The following TMEM267 variants were observed in gnomAD, a reference collection of about 807,000 sequenced individuals.
TMEM267 encodes transmembrane protein 267.
Under a neutral mutation model 19.3 loss-of-function variants are expected in TMEM267, and 20 were observed. That is an observed-to-expected ratio of 1.04 (90% CI 0.73 to 1.51). The LOEUF is 1.51. TMEM267 is among the 40% of genes most tolerant of loss of function. TMEM267 has a pLI of 0.00. For missense variants in TMEM267, 242 were observed against 261.9 expected, an observed-to-expected ratio of 0.92 and a Z score of 0.52; for synonymous variants, 88 against 90.3, an observed-to-expected ratio of 0.97 and a Z score of 0.15.
At chr5:43,477,936 C>G (rs1744526245) in intron 1 of TMEM267, among the ~76,000 whole-genome samples, 1 of 152,134 alleles carries the variant, frequency 6.6e-6, no homozygotes, top group African/African-American at 2.4e-5. Context: ...ATTTTTTTGA[C>G]TCTACAGTGG....
chr5:43,452,585 T>TA (rs35189144), intron 2 of TMEM267, among the ~76,000 whole-genome samples: 65,678 of 123,700 alleles, frequency 0.53, 16,030 homozygotes, highest in Middle Eastern at 0.65. Context: ...CCTAAATCCA[T>TA]AAAAAAAAAA....
chr5:43,455,256 T>A (rs1456729820), intron 1 of TMEM267, among the ~76,000 whole-genome samples: 1 of 151,870 alleles, frequency 6.6e-6, no homozygotes, highest in Non-Finnish European at 1.5e-5. Flanking sequence ...AGACACTGTC[T>A]CTACAAATAA....
Position 43,483,167 on chromosome 5 carries a change from C to G in TMEM267, c.-75+655G>C, listed in dbSNP as rs1374732315. ...ATGCAACTAACTGACAAAGGAAACA[C>G]AAATCTTGCTTACTTTCACTGAAAC... On this transcript the variant is annotated intron_variant, in intron 1 of 2. Transcript: ENST00000397080. Among the ~76,000 whole-genome samples, 3 of 152,188 alleles carry G rather than the reference C, an allele frequency of 2.0e-5. No homozygotes were observed. In the East Asian group the frequency reaches 5.8e-4, roughly 29 times the overall value.
intron 1 of TMEM267, among the ~76,000 whole-genome samples, chr5:43,459,866 G>A (rs1743157245): frequency 6.6e-6 from 1 of 152,072 alleles, no homozygotes; most frequent in South Asian, 2.1e-4. Context: ...GGAGGGGGAT[G>A]GTTTTGCGAT....
intron 1 of TMEM267, among the ~76,000 whole-genome samples, chr5:43,475,658 A>G (rs778022642): frequency 1.3e-5 from 2 of 152,240 alleles, no homozygotes; most frequent in Non-Finnish European, 2.9e-5. Flanking sequence ...GAAGGAAAAG[A>G]TAATTACATT....
intron 1 of TMEM267, among the ~76,000 whole-genome samples, chr5:43,468,312 C>T (rs1200597309): frequency 6.6e-6 from 1 of 152,090 alleles, no homozygotes; most frequent in African/African-American, 2.4e-5. Context: ...ATATAGCTTG[C>T]CACAGTATCT....
intron 1 of TMEM267, 119 bp from the exon 2 acceptor site, chr5:43,454,162 C>G: frequency 1.8e-6 from 1 of 556,908 alleles, no homozygotes; most frequent in Non-Finnish European, 2.9e-6. Flanking sequence ...ATACTGGCAA[C>G]TTTTACATGT....
In TMEM267 at chr5:43,446,077, T is replaced by C. The variant is rs1742216470; in HGVS notation, c.*145A>G. ...AAGTATAATTTTTAAAAAAGTTGTA[T>C]ACACTTCCTGAGCAAGAGGATTGCA... On this transcript the variant is annotated 3_prime_UTR_variant, in exon 3 of 3. Coordinates refer to ENST00000397080, the MANE Select transcript of TMEM267 (RefSeq NM_022483.5). 1.8e-6 allele frequency: 1 copy of C among 543,192 alleles called. No homozygotes were observed. The highest frequency in any genetic ancestry group is 1.9e-5 in the African/African-American group (1 of 52,494). 33.6% of individuals were successfully genotyped at this position (543,192 alleles called of 1,614,324 possible).
chr5:43,473,441 A>T (rs112126001), intron 1 of TMEM267, among the ~76,000 whole-genome samples: 11,411 of 152,184 alleles, frequency 0.075, 649 homozygotes, highest in Admixed American at 0.11. Flanking sequence ...CAAAAATCAC[A>T]AGCATTCCTA....
At chr5:43,477,869 G>C (rs1300777616) in intron 1 of TMEM267, among the ~76,000 whole-genome samples, 1 of 152,248 alleles carries the variant, frequency 6.6e-6, no homozygotes, top group East Asian at 1.9e-4. Context: ...AGACAGAAGA[G>C]TATGTGGCCT....
chr5:43,470,003 C>T (rs772053285), intron 1 of TMEM267, among the ~76,000 whole-genome samples: 1 of 152,140 alleles, frequency 6.6e-6, no homozygotes, highest in Admixed American at 6.5e-5. Context: ...TTCACTGAGC[C>T]AGATAAAATT....
intron 1 of TMEM267, among the ~76,000 whole-genome samples, chr5:43,462,525 G>A (rs577035033): frequency 6.6e-6 from 1 of 152,148 alleles, no homozygotes; most frequent in Non-Finnish European, 1.5e-5. Context: ...GAAATTCAAA[G>A]AAATTCAAGA....
intron 1 of TMEM267, among the ~76,000 whole-genome samples, chr5:43,471,772 C>T (rs764126205): frequency 6.6e-6 from 1 of 152,138 alleles, no homozygotes; most frequent in Non-Finnish European, 1.5e-5. Context: ...CCCTATCTCA[C>T]ACCATATACA....
Position 43,446,563 on chromosome 5 carries a change from G to A in TMEM267, c.313-6C>T. The A allele has an allele frequency of 1.3e-6, 2 of 1,582,222 alleles. No individual in the cohort carries two copies. Among genetic ancestry groups the A allele is most frequent in the South Asian group, 1.1e-5 (1 of 87,816 alleles). The stretch of plus-strand genomic sequence containing the variant: ...CGCGGGAGAGTCAAAGCAGCCTGAG[G>A]GAGCAAAGTAATAGCGAGTATCATT... On this transcript the variant is annotated splice_polypyrimidine_tract_variant and splice_region_variant and intron_variant, in intron 2 of 2. Coordinates refer to ENST00000397080, the MANE Select transcript of TMEM267 (RefSeq NM_022483.5).
rs75899105 is a variant in TMEM267, at chr5:43,482,912, A to G, written c.-75+910T>C. On this transcript the variant is annotated intron_variant, in intron 1 of 2. Transcript: ENST00000397080. ...TTAGACATTATTTCTGTCAAAACAA[A>G]TAAGAGCTGATACATTCTCTAAGTA... Among the ~76,000 whole-genome samples the G allele has an allele frequency of 9.4e-3, 1,437 of 152,262 alleles. 19 individuals are homozygous for G. Among genetic ancestry groups the G allele is most frequent in the African/African-American group, 0.033 (1,365 of 41,528 alleles).
chr5:43,483,985 A>G (rs1744976706), upstream of TMEM267: 1 of 152,354 alleles, frequency 6.6e-6, no homozygotes, highest in South Asian at 2.1e-4. Flanking sequence ...GAAGCGACGC[A>G]TGAGTTGTTT....
chr5:43,466,569 A>G (rs1743691824), intron 1 of TMEM267, among the ~76,000 whole-genome samples: 2 of 152,196 alleles, frequency 1.3e-5, no homozygotes, highest in Admixed American at 1.3e-4. Flanking sequence ...AAGGTACAAA[A>G]CTCACTGGTA....
chr5:43,459,614 T>C (rs1743138660), intron 1 of TMEM267, among the ~76,000 whole-genome samples: 1 of 152,192 alleles, frequency 6.6e-6, no homozygotes, highest in Non-Finnish European at 1.5e-5. Flanking sequence ...AATGATTAAT[T>C]AGAACTGAAA....
rs1345256412 is a variant in TMEM267, at chr5:43,444,446, TG to T, written c.*1775del. On this transcript the variant is annotated 3_prime_UTR_variant, in exon 3 of 3. Transcript: ENST00000397080. ...CACACCAGCACGCCCAGTTAATTTT[TG>T]TATTTTTAGTAGAGACGGGGTTTCA... The T allele has an allele frequency of 2.0e-5, 3 of 152,188 alleles. No homozygotes were observed. The highest frequency in any genetic ancestry group is 7.2e-5 in the African/African-American group (3 of 41,418). The allele number at this position is 152,188 out of a possible 1,614,324, so 9.4% of individuals were successfully genotyped here.
Sources: allele counts gnomAD v4.1 joint callset (sites outside exome capture counted in the v4.1 genomes callset), GRCh38; gene constraint gnomAD v4.1.1; transcripts MANE v1.5; gene names NCBI Gene and HGNC (gene_info 2026-07-23, HGNC 2026-07-21).